Variants in CELF5 observed in about 807,000 individuals in gnomAD.
CELF5 encodes the protein CUGBP Elav-like family member 5.
Under a neutral mutation model 54.9 loss-of-function variants are expected in CELF5, and 6 were observed. The ratio of observed to expected loss-of-function variants is 0.11; its 90% CI spans 0.06 to 0.22. The LOEUF (loss-of-function observed/expected upper bound fraction) is 0.22. Ranked by LOEUF, CELF5 falls within the 10% of genes least tolerant of loss-of-function variation. CELF5 has a pLI of 1.00. For synonymous variants in CELF5, 271 were observed against 290.9 expected (o/e 0.93, Z 0.70); for missense variants, 401 against 678.6 (o/e 0.59, Z 4.54).
chr19:3,266,392 C>T (rs1414186688), intron 2 of CELF5, among the ~76,000 whole-genome samples: 1 of 150,842 alleles, frequency 6.6e-6, no homozygotes, highest in Non-Finnish European at 1.5e-5. Flanking sequence ...CACTGCACTG[C>T]AGCCTGGGTG....
intron 1 of CELF5, among the ~76,000 whole-genome samples, chr19:3,232,872 C>T (rs538934111): frequency 1.7e-4 from 26 of 152,038 alleles, no homozygotes; most frequent in African/African-American, 5.8e-4. Context: ...GTCGGGAGTT[C>T]GAGACCAGCC....
chr19:3,234,249 C>T (rs1450451622), intron 1 of CELF5, among the ~76,000 whole-genome samples: 1 of 148,718 alleles, frequency 6.7e-6, no homozygotes, highest in Non-Finnish European at 1.5e-5. Flanking sequence ...GTGGTTCGTT[C>T]TCTCTCTCTC....
Position 3,282,541 on chromosome 19 carries a change from A to C in CELF5, c.1039+43A>C, listed in dbSNP as rs569632698. On this transcript the variant is annotated intron_variant, in intron 8 of 12. Coordinates refer to ENST00000292672, the MANE Select transcript of CELF5 (RefSeq NM_021938.4). The surrounding 1 kb of genome is among the most constrained non-coding windows in gnomAD (Gnocchi z 5.2). Reference sequence around the variant, plus strand: ...TCTGGGGCCTAGGAGAGTGGTGGGGAATAAAGATGGTGTTTCTGGAACAAG... The same window carrying C: ...TCTGGGGCCTAGGAGAGTGGTGGGGCATAAAGATGGTGTTTCTGGAACAAG... The C allele has an allele frequency of 1.6e-4, 257 of 1,576,352 alleles. 2 individuals are homozygous for C. In the South Asian group the frequency reaches 2.8e-3, roughly 17 times the overall value.
chr19:3,250,864 G>T (rs2079638098), intron 1 of CELF5, 121 bp from the exon 2 acceptor site: 1 of 684,792 alleles, frequency 1.5e-6, no homozygotes, highest in East Asian at 2.5e-5. Flanking sequence ...AGGTTGTGTA[G>T]ATCTATGCAT....
chr19:3,285,917 CTG>C (rs745657949), intron 9 of CELF5, 23 bp from the exon 10 acceptor site: 18 of 1,542,836 alleles, frequency 1.2e-5, no homozygotes, highest in Non-Finnish European at 1.5e-5. Flanking sequence ...CCTCCTCGCC[CTG>C]TGTCTCGCTC....
intron 1 of CELF5, among the ~76,000 whole-genome samples, chr19:3,241,483 C>G (rs1045181191): frequency 6.6e-6 from 1 of 151,990 alleles, no homozygotes; most frequent in Non-Finnish European, 1.5e-5. Context: ...CCCTGTCTAC[C>G]CCCTCCAGAA....
intron 1 of CELF5, among the ~76,000 whole-genome samples, chr19:3,239,154 C>T (rs928856911): frequency 1.3e-5 from 2 of 152,050 alleles, no homozygotes; most frequent in African/African-American, 4.8e-5. Flanking sequence ...GACTGGAGTG[C>T]AGTGGTATGA....
At position 3,293,395 on chromosome 19, in the gene CELF5, G is replaced by A. The variant is rs549669069; in HGVS notation, c.1407G>A (p.Lys469=). The change falls in exon 12 of 13, where the codon AAG becomes AAA. Residue 469 remains lysine, a synonymous_variant. Transcript: ENST00000292672. ...QAMNGFQIGM[K]RLKVQLKRPK... is the part of the protein sequence containing the mutation. ...TGAACGGCTTCCAGATCGGCATGAAGAGGCTCAAAGTCCAGCTGAAGCGGC... is the reference window on the plus strand; with the variant it reads ...TGAACGGCTTCCAGATCGGCATGAAAAGGCTCAAAGTCCAGCTGAAGCGGC... 47 of 1,614,146 alleles carry A rather than the reference G, an allele frequency of 2.9e-5. 1 individual carries two copies. In the South Asian group the frequency reaches 4.8e-4, roughly 17 times the overall value.
At position 3,233,676 on chromosome 19, in the gene CELF5, G is replaced by A. The variant is rs543851384; in HGVS notation, c.259+8678G>A. Among the ~76,000 whole-genome samples the A allele has an allele frequency of 2.7e-3, 411 of 152,284 alleles. 2 individuals are homozygous for A. The highest frequency in any genetic ancestry group is 9.5e-3 in the African/African-American group (393 of 41,560). On this transcript the variant is annotated intron_variant, in intron 1 of 12. Transcript: ENST00000292672. ...CTTGTGGCTGGAGCAGAGTGAGGAG[G>A]GGGAGAGAGGGAGGAGAAGAGGGCA...
chr19:3,229,520 T>C (rs1279872295), intron 1 of CELF5, among the ~76,000 whole-genome samples: 1 of 151,848 alleles, frequency 6.6e-6, no homozygotes, highest in Non-Finnish European at 1.5e-5. Flanking sequence ...AGGCAGTTAG[T>C]GTAGGAGAGT....
intron 1 of CELF5, among the ~76,000 whole-genome samples, chr19:3,236,877 T>C (rs1448662152): frequency 6.6e-6 from 1 of 150,668 alleles, no homozygotes; most frequent in Non-Finnish European, 1.5e-5. Flanking sequence ...TAATACCAGC[T>C]ACTTGGGAGG....
In CELF5 at chr19:3,228,631, CG is replaced by C. The variant is rs568654644; in HGVS notation, c.259+3638del. Among the ~76,000 whole-genome samples, 43 of 107,574 alleles carry C rather than the reference CG, an allele frequency of 4.0e-4. No individual in the cohort carries two copies. In the South Asian group the frequency reaches 6.2e-3, roughly 16 times the overall value. 70.6% of individuals were successfully genotyped at this position (107,574 alleles called of 152,430 possible). ...CGGTGCAGGTGGGGGGGGGGCCCGG[CG>C]GGGGCCCGGGTGGGGGCCCGCGGTT... On this transcript the variant is annotated intron_variant, in intron 1 of 12. Coordinates refer to ENST00000292672, the MANE Select transcript of CELF5 (RefSeq NM_021938.4). The surrounding 1 kb of genome is among the most constrained non-coding windows in gnomAD (Gnocchi z 6.0).
intron 1 of CELF5, among the ~76,000 whole-genome samples, chr19:3,226,302 AAG>A (rs1599373806): frequency 1.3e-5 from 2 of 149,368 alleles, no homozygotes; most frequent in Non-Finnish European, 3.0e-5. Context: ...TGAATGAATG[AAG>A]GGGTTCAAGA....
rs576995224 is a variant in CELF5, at chr19:3,293,460, C to T, written c.*14C>T. The T allele has an allele frequency of 1.5e-5, 25 of 1,613,550 alleles. No homozygotes were observed. Among genetic ancestry groups the T allele is most frequent in the Middle Eastern group, 1.7e-4 (1 of 6,058 alleles). ...CACCCCTACTGACCGCGCCCACAGC[C>T]GCCCTGAGGCTGTAGGCATGGCCCA... On this transcript the variant is annotated 3_prime_UTR_variant, in exon 12 of 13. Coordinates refer to ENST00000292672, the MANE Select transcript of CELF5 (RefSeq NM_021938.4).
intron 1 of CELF5, among the ~76,000 whole-genome samples, chr19:3,232,964 C>T (rs981138400): frequency 6.6e-6 from 1 of 151,962 alleles, no homozygotes; most frequent in African/African-American, 2.4e-5. Flanking sequence ...ATCCCAGCTA[C>T]TCGGGAGGCT....
chr19:3,262,796 G>T (rs143471148), intron 2 of CELF5, among the ~76,000 whole-genome samples: 3 of 151,820 alleles, frequency 2.0e-5, no homozygotes, highest in Non-Finnish European at 4.4e-5. Context: ...AAAATTAGCC[G>T]GGCATGGTGG....
intron 1 of CELF5, among the ~76,000 whole-genome samples, chr19:3,233,635 G>C (rs934834438): frequency 6.6e-6 from 1 of 152,184 alleles, no homozygotes; most frequent in Non-Finnish European, 1.5e-5. Context: ...TGTGTTGGAG[G>C]AACAGCAAGG....
rs1386985164 is a variant in CELF5, at chr19:3,282,396, C to G, written c.937C>G (p.Leu313Val). 6.2e-7 allele frequency: 1 copy of G among 1,612,110 alleles called. No individual in the cohort carries two copies. Among genetic ancestry groups the G allele is most frequent in the Non-Finnish European group, 8.5e-7 (1 of 1,180,034 alleles). The change falls in exon 8 of 13, where the codon CTC becomes GTC. Residue 313 changes from leucine to valine, a missense_variant. Leu to Val is a conservative substitution (Grantham distance 32, BLOSUM62 1). Around this residue, in one of 6 missense-constraint regions of CELF5, gnomAD observed 143 missense variants for 147.6 expected, o/e 0.97. Transcript: ENST00000292672. This position sits in a 1 kb window ranked among gnomAD's most constrained non-coding sequence, Gnocchi z 5.2. ...PLLGTTAVPG[L>V]VAPITNGFAG... ...GCTGGGCACCACCGCTGTGCCTGGC[C>G]TCGTGGCTCCCATCACCAATGGCTT... is the stretch of plus-strand genomic sequence containing the variant.
rs60632293 is a variant in CELF5, at chr19:3,228,875, CGTGTGT to C, written c.259+3912_259+3917del. On this transcript the variant is annotated intron_variant, in intron 1 of 12. Coordinates refer to ENST00000292672, the MANE Select transcript of CELF5 (RefSeq NM_021938.4). The surrounding 1 kb of genome is among the most constrained non-coding windows in gnomAD (Gnocchi z 6.0). ...GGGGGTGGCTGGCAGGGTTGGCCGG[CGTGTGT>C]GTGTGTGTGTGTGTGTGTGTGTGTG... Among the ~76,000 whole-genome samples, 567 of 124,162 alleles carry C rather than the reference CGTGTGT, an allele frequency of 4.6e-3. 6 individuals carry two copies. The highest frequency in any genetic ancestry group is 0.014 in the Middle Eastern group (3 of 220). 81.5% of individuals were successfully genotyped at this position (124,162 alleles called of 152,430 possible).
Sources: gnomAD v4.1 joint callset for allele counts (sites outside exome capture counted in the v4.1 genomes callset) on GRCh38, gnomAD v4.1.1 for gene constraint, gnomAD v4.1.1 regional missense constraint, Gnocchi (gnomAD v3.1) non-coding constraint, MANE v1.5 for transcripts, NCBI Gene and HGNC (gene_info 2026-07-23, HGNC 2026-07-21) for gene names.